Variants in CPA3 observed in about 807,000 individuals in gnomAD.
The protein encoded by CPA3 is carboxypeptidase A3.
In CPA3, 52 loss-of-function variants were observed where a neutral mutation model predicts 55.8. That is an observed-to-expected ratio of 0.93 (90% CI 0.75 to 1.17). CPA3 has a LOEUF of 1.17. Ranked by LOEUF, CPA3 falls within the 50% of genes most tolerant of loss-of-function variation. The pLI, the probability that CPA3 is intolerant of heterozygous loss-of-function variation, is 0.00. For missense variants in CPA3, 547 were observed against 509.1 expected (o/e 1.07, Z -0.72); for synonymous variants, 179 against 171.2 (o/e 1.05, Z -0.36).
chr3:148,868,837 T>G, intron 2 of CPA3, 78 bp from the exon 3 acceptor site: 8 of 1,519,180 alleles, frequency 5.3e-6, no homozygotes, highest in Non-Finnish European at 7.1e-6. Flanking sequence ...TCATGGTGTA[T>G]GAGACATGAT....
rs760865331 is a variant in CPA3 at position 148,883,739 on chromosome 3, C to T, written c.905C>T (p.Thr302Ile). ...CTGAATGAAATCAAGGTTTACATCACCTTCCATTCCTACTCCCAGATGCTA... is the reference window on the plus strand; with the variant it reads ...CTGAATGAAATCAAGGTTTACATCATCTTCCATTCCTACTCCCAGATGCTA... ...SHLNEIKVYI[T>I]FHSYSQMLLF... Residue 302 changes from threonine to isoleucine, a missense_variant, in exon 9 of 11, where the codon ACC (threonine) becomes ATC (isoleucine). Physicochemically the swap from Thr to Ile is moderately conservative, Grantham distance 89. Transcript: ENST00000296046. The T allele has an allele frequency of 6.2e-7, 1 of 1,613,884 alleles. No homozygotes were observed. The highest frequency in any genetic ancestry group is 2.2e-5 in the East Asian group (1 of 44,882).
intron 3 of CPA3, among the ~76,000 whole-genome samples, chr3:148,869,370 C>T (rs996016064): frequency 6.6e-6 from 1 of 152,144 alleles, no homozygotes; most frequent in African/African-American, 2.4e-5. Flanking sequence ...CATGTCATCA[C>T]TACTGACAGG....
chr3:148,892,344 T>C (rs943906556), intron 10 of CPA3, among the ~76,000 whole-genome samples: 4 of 152,086 alleles, frequency 2.6e-5, no homozygotes, highest in Non-Finnish European at 5.9e-5. Flanking sequence ...AAAATAGCAA[T>C]GCAAAGGCTT....
At chr3:148,891,194 C>T (rs1714655753) in intron 10 of CPA3, among the ~76,000 whole-genome samples, 1 of 152,104 alleles carries the variant, frequency 6.6e-6, no homozygotes, top group Non-Finnish European at 1.5e-5. Context: ...AATGAGTTAA[C>T]ATGCATAAAG....
In CPA3 at chr3:148,865,306, C is replaced by T. The variant is rs1386590343; in HGVS notation, c.-2C>T. ...GGGTCTCAAGGCAGGCAAAGAAGAACCATGAGGCTCATCCTGCCTGTGGGT... is the reference window on the plus strand; with the variant it reads ...GGGTCTCAAGGCAGGCAAAGAAGAATCATGAGGCTCATCCTGCCTGTGGGT... On this transcript the variant is annotated 5_prime_UTR_variant, in exon 1 of 11. Transcript: ENST00000296046. 7 of 1,613,932 alleles carry T rather than the reference C, an allele frequency of 4.3e-6. No individual in the cohort carries two copies. The highest frequency in any genetic ancestry group is 5.9e-6 in the Non-Finnish European group (7 of 1,179,964).
intron 3 of CPA3, among the ~76,000 whole-genome samples, chr3:148,871,577 C>T (rs1452608344): frequency 3.9e-5 from 6 of 152,132 alleles, no homozygotes; most frequent in Admixed American, 3.9e-4. Flanking sequence ...CTCTTCTATC[C>T]TGAAATGATT....
At chr3:148,883,570 A>G (rs376531114) in intron 8 of CPA3, 43 bp from the exon 9 acceptor site, 14 of 1,501,772 alleles carry the variant, frequency 9.3e-6, no homozygotes, top group Non-Finnish European at 1.3e-5. Flanking sequence ...AGCTATATGG[A>G]TGGGGAGCAG....
intron 10 of CPA3, among the ~76,000 whole-genome samples, chr3:148,894,932 T>C (rs564076656): frequency 5.9e-5 from 9 of 152,328 alleles, no homozygotes; most frequent in Middle Eastern, 3.4e-3. Context: ...CTCTCTGAGT[T>C]CCCATTTAAC....
intron 9 of CPA3, 101 bp downstream of exon 9, chr3:148,883,916 T>C: frequency 2.3e-6 from 2 of 867,384 alleles, no homozygotes; most frequent in Non-Finnish European, 3.7e-6. Context: ...CACATTTTAA[T>C]GTCAAAGAAA....
chr3:148,880,430 C>T (rs1559968574), intron 6 of CPA3, among the ~76,000 whole-genome samples: 1 of 151,360 alleles, frequency 6.6e-6, no homozygotes, highest in Non-Finnish European at 1.5e-5. Flanking sequence ...CTCCTGGGTT[C>T]AAGCAATTCT....
intron 10 of CPA3, among the ~76,000 whole-genome samples, chr3:148,888,381 T>C (rs960878814): frequency 1.3e-5 from 2 of 152,178 alleles, no homozygotes; most frequent in Admixed American, 6.5e-5. Context: ...GTTAAGGTGC[T>C]GAAGAAAAAG....
At chr3:148,873,538 C>T (rs1559966885) in intron 3 of CPA3, among the ~76,000 whole-genome samples, 1 of 152,214 alleles carries the variant, frequency 6.6e-6, no homozygotes, top group Non-Finnish European at 1.5e-5. Context: ...CTCTTACTTG[C>T]TCCCTGACCT....
intron 3 of CPA3, among the ~76,000 whole-genome samples, chr3:148,870,350 C>G (rs775568722): frequency 7.2e-5 from 11 of 151,924 alleles, no homozygotes; most frequent in East Asian, 3.9e-4. Context: ...AAAGAAAGAG[C>G]CTGTTGATGT....
chr3:148,888,616 G>A (rs1355563956), intron 10 of CPA3, among the ~76,000 whole-genome samples: 1 of 152,142 alleles, frequency 6.6e-6, no homozygotes, highest in African/African-American at 2.4e-5. Context: ...TAAATAGCAG[G>A]GCCAGATTGG....
rs148382472 is a variant in CPA3 at position 148,865,366 on chromosome 3, G to A, written c.59G>A (p.Arg20His). Reference protein sequence around the residue: ...IATTLAIAPVRFDREKVFRVK... With the variant: ...IATTLAIAPVHFDREKVFRVK... The stretch of plus-strand genomic sequence containing the variant: ...ACCACTCTTGCAATTGCTCCTGTCC[G>A]CTTTGACAGGTAAATCTTACTTCCT... The change falls in exon 1 of 11, where the codon CGC becomes CAC. Residue 20 changes from arginine to histidine, a missense_variant. By Grantham distance (29) the Arg-to-His change is conservative (BLOSUM62 0). Transcript: ENST00000296046. 1.6e-5 allele frequency: 26 copies of A among 1,613,874 alleles called. No homozygotes were observed. Among genetic ancestry groups the A allele is most frequent in the Non-Finnish European group, 1.4e-5 (17 of 1,179,950 alleles).
intron 1 of CPA3, 34 bp from the exon 2 acceptor site, chr3:148,865,439 G>C: frequency 1.2e-6 from 2 of 1,611,464 alleles, no homozygotes; most frequent in South Asian, 2.2e-5. Context: ...TTTCCTTACA[G>C]TTCACTTTTT....
chr3:148,873,189 T>C (rs961732651), intron 3 of CPA3, among the ~76,000 whole-genome samples: 1 of 152,190 alleles, frequency 6.6e-6, no homozygotes, highest in African/African-American at 2.4e-5. Flanking sequence ...TGATGTGTGG[T>C]AACCAAATTA....
At chr3:148,888,017 A>T (rs1316367447) in intron 10 of CPA3, among the ~76,000 whole-genome samples, 1 of 152,204 alleles carries the variant, frequency 6.6e-6, no homozygotes, top group African/African-American at 2.4e-5. Flanking sequence ...ACTTTTAAAA[A>T]TTTCATGAAC....
chr3:148,888,497 A>T (rs1396775669), intron 10 of CPA3, among the ~76,000 whole-genome samples: 1 of 152,268 alleles, frequency 6.6e-6, no homozygotes, highest in Non-Finnish European at 1.5e-5. Context: ...ATTTCAAAAT[A>T]CATGTTATGT....
Sources: allele counts gnomAD v4.1 joint callset (sites outside exome capture counted in the v4.1 genomes callset), GRCh38; gene constraint gnomAD v4.1.1; transcripts MANE v1.5; gene names NCBI Gene and HGNC (gene_info 2026-07-23, HGNC 2026-07-21).